Variants in TPBG observed in about 807,000 individuals in gnomAD.
The protein encoded by TPBG is trophoblast glycoprotein.
In TPBG, 13 loss-of-function variants were observed where a neutral mutation model predicts 19.3. That is an observed-to-expected ratio of 0.67 (90% confidence interval 0.44 to 1.07). The LOEUF is 1.07. Ranked by LOEUF, TPBG falls within the 50% of genes least tolerant of loss-of-function variation. The pLI, the probability that TPBG is intolerant of heterozygous loss-of-function variation, is 0.00. For synonymous variants in TPBG, 338 were observed against 259.8 expected, an observed-to-expected ratio of 1.30 and a Z score of -2.89; for missense variants, 642 against 559.6, an observed-to-expected ratio of 1.15 and a Z score of -1.49.
In TPBG at chr6:82,366,032, C is replaced by T. The variant is rs1582039795; in HGVS notation, c.1071C>T (p.Val357=). 1 of 1,613,976 alleles carries T rather than the reference C, an allele frequency of 6.2e-7. No homozygotes were observed. The highest frequency in any genetic ancestry group is 1.3e-5 in the African/African-American group (1 of 75,040). ...ILPPSLQTSY[V]FLGIVLALIG... ...CCCCATCCCTGCAAACCTCTTATGT[C>T]TTCCTGGGTATTGTTTTAGCCCTGA... Residue 357 remains valine (V), a synonymous_variant, in exon 2 of 2, where the codon GTC becomes GTT. Coordinates refer to ENST00000369750, the MANE Select transcript of TPBG (RefSeq NM_001376922.1).
rs370375101 is a variant in TPBG, at chr6:82,366,038, G to T, written c.1077G>T (p.Leu359=). The change falls in exon 2 of 2, where the codon CTG becomes CTT. Residue 359 remains leucine, a synonymous_variant. Coordinates refer to ENST00000369750, the MANE Select transcript of TPBG (RefSeq NM_001376922.1). ...PPSLQTSYVF[L]GIVLALIGAI... Reference sequence around the variant, plus strand: ...CCCTGCAAACCTCTTATGTCTTCCTGGGTATTGTTTTAGCCCTGATAGGCG... The same window carrying T: ...CCCTGCAAACCTCTTATGTCTTCCTTGGTATTGTTTTAGCCCTGATAGGCG... The T allele has an allele frequency of 6.2e-7, 1 of 1,614,034 alleles. No homozygotes were observed.
In TPBG at chr6:82,365,819, C is replaced by T. The variant is rs776773661; in HGVS notation, c.858C>T (p.His286=). ...GTLAELQGLP[H]IRVFLDNNPW... is the part of the protein sequence containing the mutation. ...TGGCTGAGTTGCAAGGTCTACCCCA[C>T]ATTAGGGTTTTCCTGGACAACAATC... The change falls in exon 2 of 2, where the codon CAC becomes CAT. Residue 286 remains histidine, a synonymous_variant. Transcript: ENST00000369750. 8.1e-6 allele frequency: 13 copies of T among 1,614,178 alleles called. No homozygotes were observed. In the Admixed American group the frequency reaches 2.0e-4, roughly 25 times the overall value.
At position 82,364,791 on chromosome 6, in the gene TPBG, G is replaced by A; in HGVS notation, c.-171G>A. 1.9e-6 allele frequency: 1 copy of A among 529,700 alleles called. No homozygotes were observed. Among genetic ancestry groups the A allele is most frequent in the Non-Finnish European group, 3.1e-6 (1 of 323,146 alleles). The allele number at this position is 529,700 out of a possible 1,614,324, so 32.8% of individuals were successfully genotyped here. ...GAATCGGCCCCTGAGGGAAGCGCCC[G>A]GTGGCGAGGGGGTTAGCCAAGTTCC... On this transcript the variant is annotated 5_prime_UTR_variant, in exon 2 of 2. Transcript: ENST00000369750.
intron 1 of TPBG, 69 bp from the exon 2 acceptor site, chr6:82,364,554 A>C (rs2127871023): frequency 5.5e-6 from 1 of 181,328 alleles, no homozygotes; most frequent in Non-Finnish European, 1.1e-5. Flanking sequence ...AGACTCGAAA[A>C]GGCCGGTTTT....
upstream of TPBG, chr6:82,363,670 CTA>C (rs1767382260): frequency 6.6e-6 from 1 of 152,454 alleles, no homozygotes; most frequent in Admixed American, 6.5e-5. Context: ...CCCAGCTCCC[CTA>C]GTCTCTCTTC....
chr6:82,366,381 C>A lies in TPBG; in HGVS notation c.*157C>A. 2 of 847,460 alleles carry A rather than the reference C, an allele frequency of 2.4e-6. No individual in the cohort carries two copies. The highest frequency in any genetic ancestry group is 1.8e-6 in the Non-Finnish European group (1 of 562,180). The allele number at this position is 847,460 out of a possible 1,614,324, so 52.5% of individuals were successfully genotyped here. On this transcript the variant is annotated 3_prime_UTR_variant, in exon 2 of 2. Transcript: ENST00000369750. ...TTTGCTTCCTTGTTATGTAAAGTTT[C>A]TCGGTGTGTTCTGTTAATGTAAGAC...
rs1767432113 is a variant in TPBG, at chr6:82,364,882, C to T, written c.-80C>T. 6 of 1,218,692 alleles carry T rather than the reference C, an allele frequency of 4.9e-6. No homozygotes were observed. Among genetic ancestry groups the T allele is most frequent in the Non-Finnish European group, 6.5e-6 (6 of 929,388 alleles). The allele number at this position is 1,218,692 out of a possible 1,614,324, so 75.5% of individuals were successfully genotyped here. On this transcript the variant is annotated 5_prime_UTR_variant, in exon 2 of 2. Coordinates refer to ENST00000369750, the MANE Select transcript of TPBG (RefSeq NM_001376922.1). ...TTTTTTTTCCAGACGCTTCCGCCGG[C>T]TCGCGCCCTCCGGGCCCAGCCTCCC...
rs1377619800 is a variant in TPBG at position 82,365,216 on chromosome 6, G to A, written c.255G>A (p.Val85=). The A allele has an allele frequency of 1.3e-6, 2 of 1,594,874 alleles. No individual in the cohort carries two copies. Among genetic ancestry groups the A allele is most frequent in the Admixed American group, 3.4e-5 (2 of 58,086 alleles). The change falls in exon 2 of 2, where the codon GTG becomes GTA. Residue 85 remains valine (V), a synonymous_variant. Transcript: ENST00000369750. ...GCGTTAACCGCAATCTGACCGAGGT[G>A]CCCACGGACCTGCCCGCCTACGTGC... is the stretch of plus-strand genomic sequence containing the variant. The part of the protein sequence containing the change: ...VKCVNRNLTE[V]PTDLPAYVRN...
Position 82,367,027 on chromosome 6 carries a change from A to G in TPBG, c.*803A>G, listed in dbSNP as rs1329867749. ...TAATTATTACTTAACATAGCTGAGA[A>G]TCAAACTGTAGCAATGTCTAATATA... On this transcript the variant is annotated 3_prime_UTR_variant, in exon 2 of 2. Transcript: ENST00000369750. The G allele has an allele frequency of 2.4e-5, 4 of 167,116 alleles. No individual in the cohort carries two copies. The East Asian group carries it at 7.7e-4, about 32-fold the overall frequency. 10.4% of individuals were successfully genotyped at this position (167,116 alleles called of 1,614,324 possible).
chr6:82,366,315 C>G lies in TPBG; in HGVS notation c.*91C>G. 2.1e-6 allele frequency: 3 copies of G among 1,416,474 alleles called. No individual in the cohort carries two copies. Among genetic ancestry groups the G allele is most frequent in the Non-Finnish European group, 2.8e-6 (3 of 1,055,656 alleles). 87.7% of individuals were successfully genotyped at this position (1,416,474 alleles called of 1,614,324 possible). ...AGGCTTGCTCCACTTTCATCCTCCA[C>G]TATAGATACAACGGACTTTGACTAA... On this transcript the variant is annotated 3_prime_UTR_variant, in exon 2 of 2. Coordinates refer to ENST00000369750, the MANE Select transcript of TPBG (RefSeq NM_001376922.1).
In TPBG at chr6:82,365,369, C is replaced by G. The variant is rs1423602685; in HGVS notation, c.408C>G (p.Gly136=). ...SGSRLDEVRA[G]AFEHLPSLRQ... is the part of the protein sequence containing the mutation. ...GCCGCCTGGACGAGGTGCGCGCGGGCGCCTTCGAGCATCTGCCCAGCCTGC... is the reference window on the plus strand; with the variant it reads ...GCCGCCTGGACGAGGTGCGCGCGGGGGCCTTCGAGCATCTGCCCAGCCTGC... The change falls in exon 2 of 2, where the codon GGC becomes GGG. Residue 136 remains glycine (G), a synonymous_variant. Coordinates refer to ENST00000369750, the MANE Select transcript of TPBG (RefSeq NM_001376922.1). 1.3e-6 allele frequency: 2 copies of G among 1,586,436 alleles called. No homozygotes were observed. Among genetic ancestry groups the G allele is most frequent in the Admixed American group, 1.8e-5 (1 of 55,410 alleles).
In TPBG at chr6:82,366,094, G is replaced by T. The variant is rs1252091417; in HGVS notation, c.1133G>T (p.Arg378Leu). The T allele has an allele frequency of 6.2e-7, 1 of 1,614,052 alleles. No individual in the cohort carries two copies. The highest frequency in any genetic ancestry group is 1.7e-5 in the Admixed American group (1 of 60,002). The change falls in exon 2 of 2, where the codon CGC becomes CTC. Residue 378 changes from arginine to leucine, a missense_variant. Transcript: ENST00000369750. ...AIFLLVLYLN[R>L]KGIKKWMHNI... is the part of the protein sequence containing the mutation. Reference sequence around the variant, plus strand: ...TTCCTCCTGGTTTTGTATTTGAACCGCAAGGGGATAAAAAAGTGGATGCAT... The same window carrying T: ...TTCCTCCTGGTTTTGTATTTGAACCTCAAGGGGATAAAAAAGTGGATGCAT...
At chr6:82,363,222 TCTTA>T (rs1440904859), upstream of TPBG, 5 of 151,162 alleles carry the variant, frequency 3.3e-5, no homozygotes, top group Non-Finnish European at 5.9e-5. Context: ...TCTCTCTCTC[TCTTA>T]AAGTTGGCGC....
Position 82,363,832 on chromosome 6 carries a change from G to T in TPBG, c.-416G>T, listed in dbSNP as rs374928393. The stretch of plus-strand genomic sequence containing the variant: ...GGGCTGGGGTGCGAAGAGAGTCGGC[G>T]CCCGCAACGCGGAGCCGGGAAGTCG... On this transcript the variant is annotated 5_prime_UTR_variant, in exon 1 of 2. Transcript: ENST00000369750. 5 of 152,404 alleles carry T rather than the reference G, an allele frequency of 3.3e-5. No homozygotes were observed. The highest frequency in any genetic ancestry group is 9.6e-5 in the African/African-American group (4 of 41,510). 9.4% of individuals were successfully genotyped at this position (152,404 alleles called of 1,614,324 possible).
At position 82,364,793 on chromosome 6, in the gene TPBG, T is replaced by G; in HGVS notation, c.-169T>G. Reference sequence around the variant, plus strand: ...ATCGGCCCCTGAGGGAAGCGCCCGGTGGCGAGGGGGTTAGCCAAGTTCCGG... The same window carrying G: ...ATCGGCCCCTGAGGGAAGCGCCCGGGGGCGAGGGGGTTAGCCAAGTTCCGG... On this transcript the variant is annotated 5_prime_UTR_variant, in exon 2 of 2. Transcript: ENST00000369750. 1.9e-6 allele frequency: 1 copy of G among 534,834 alleles called. No homozygotes were observed. Among genetic ancestry groups the G allele is most frequent in the Non-Finnish European group, 3.0e-6 (1 of 327,946 alleles). The allele number at this position is 534,834 out of a possible 1,614,324, so 33.1% of individuals were successfully genotyped here.
rs116233429 is a variant in TPBG, at chr6:82,364,603, C to T, written c.-339-20C>T. ...CCGCGGCAGCCACCGCTGTTCACGC[C>T]TCTCTCCTGCTTGTCCCAGGTCCCT... On this transcript the variant is annotated intron_variant, in intron 1 of 1. Transcript: ENST00000369750. The T allele has an allele frequency of 2.8e-3, 695 of 246,954 alleles. 9 individuals are homozygous for T. Among genetic ancestry groups the T allele is most frequent in the African/African-American group, 0.014 (627 of 44,726 alleles). 15.3% of individuals were successfully genotyped at this position (246,954 alleles called of 1,614,324 possible). A position where few individuals can be genotyped will look rare whatever the true frequency, so the allele number is the denominator to read the frequency against.
chr6:82,365,145 T>G lies in TPBG; in HGVS notation c.184T>G (p.Cys62Gly), dbSNP rs780608227. The G allele has an allele frequency of 6.2e-7, 1 of 1,604,686 alleles. No individual in the cohort carries two copies. The highest frequency in any genetic ancestry group is 8.5e-7 in the Non-Finnish European group (1 of 1,176,468). ...CGCCCAGCCCCCGCTGCCGGACCAG[T>G]GCCCCGCGCTGTGCGAGTGCTCCGA... is the stretch of plus-strand genomic sequence containing the variant. Reference protein sequence around the residue: ...VSAQPPLPDQCPALCECSEAA... With the variant: ...VSAQPPLPDQGPALCECSEAA... Residue 62 changes from cysteine (C) to glycine (G), a missense_variant, in exon 2 of 2, where the codon TGC (cysteine) becomes GGC (glycine). Transcript: ENST00000369750.
In TPBG at chr6:82,367,420, A is replaced by C. The variant is rs1037779831; in HGVS notation, c.*1196A>C. The C allele has an allele frequency of 1.8e-5, 3 of 167,060 alleles. No homozygotes were observed. The highest frequency in any genetic ancestry group is 7.2e-5 in the African/African-American group (3 of 41,480). The allele number at this position is 167,060 out of a possible 1,614,324, so 10.3% of individuals were successfully genotyped here. A position where few individuals can be genotyped will look rare whatever the true frequency, so the allele number is the denominator to read the frequency against. The stretch of plus-strand genomic sequence containing the variant: ...AAAGATATAAAATATAATTTAAAAA[A>C]TATTTCTCAATGTCTTAATGTAAAT... On this transcript the variant is annotated 3_prime_UTR_variant, in exon 2 of 2. Coordinates refer to ENST00000369750, the MANE Select transcript of TPBG (RefSeq NM_001376922.1).
rs1767449542 is a variant in TPBG, at chr6:82,365,142, C to G, written c.181C>G (p.Gln61Glu). 5 of 1,604,904 alleles carry G rather than the reference C, an allele frequency of 3.1e-6. No individual in the cohort carries two copies. Among genetic ancestry groups the G allele is most frequent in the Non-Finnish European group, 4.2e-6 (5 of 1,176,520 alleles). ...AVSAQPPLPD[Q>E]CPALCECSEA... ...GTCCGCCCAGCCCCCGCTGCCGGACCAGTGCCCCGCGCTGTGCGAGTGCTC... is the reference window on the plus strand; with the variant it reads ...GTCCGCCCAGCCCCCGCTGCCGGACGAGTGCCCCGCGCTGTGCGAGTGCTC... The change falls in exon 2 of 2, where the codon CAG becomes GAG. Residue 61 changes from glutamine to glutamate, a missense_variant. Gln to Glu is a conservative substitution (Grantham distance 29). Coordinates refer to ENST00000369750, the MANE Select transcript of TPBG (RefSeq NM_001376922.1).
Sources: gnomAD v4.1 joint callset for allele counts on GRCh38, gnomAD v4.1.1 for gene constraint, MANE v1.5 for transcripts, NCBI Gene and HGNC (gene_info 2026-07-23, HGNC 2026-07-21) for gene names.